SH2D3C: variants seen among roughly 807,000 people sequenced by gnomAD.
The protein encoded by SH2D3C is SH2 domain containing 3C, also known as SH2 domain-containing protein 3C.
SH2D3C carries 25 observed loss-of-function variants against 75.2 expected under a neutral mutation model. The ratio of observed to expected loss-of-function variants is 0.33; its 90% CI spans 0.24 to 0.46. SH2D3C has a LOEUF of 0.46. Ranked by LOEUF, SH2D3C falls within the 20% of genes least tolerant of loss-of-function variation. The pLI is 1.00. For synonymous variants in SH2D3C, 450 were observed against 473.7 expected (o/e 0.95, Z 0.65); for missense variants, 933 against 1,165.3 (o/e 0.80, Z 2.90).
chr9:127,761,665 G>C lies in SH2D3C; in HGVS notation c.516-15C>G, dbSNP rs758971606. ...CTCCAGCAGCCCTGGAAGGAGAAAA[G>C]ACAAGTGAGCATCCCCAGCCCTGCT... On this transcript the variant is annotated splice_polypyrimidine_tract_variant and intron_variant, in intron 2 of 11. Transcript: ENST00000314830. The C allele has an allele frequency of 6.2e-6, 10 of 1,609,492 alleles. No individual in the cohort carries two copies. In the African/African-American group the frequency reaches 1.2e-4, roughly 19 times the overall value.
chr9:127,764,053 A>G (rs1588518853), intron 2 of SH2D3C, among the ~76,000 whole-genome samples: 1 of 152,034 alleles, frequency 6.6e-6, no homozygotes, highest in Non-Finnish European at 1.5e-5. Context: ...AAATCCTCCC[A>G]CTGCTGGGAA....
chr9:127,750,109 C>A (rs566424388), intron 4 of SH2D3C, among the ~76,000 whole-genome samples: 1 of 152,014 alleles, frequency 6.6e-6, no homozygotes, highest in Non-Finnish European at 1.5e-5. Context: ...TCCTGGAACA[C>A]CCTTCCTGCC....
At chr9:127,762,947 T>C (rs528114311) in intron 2 of SH2D3C, among the ~76,000 whole-genome samples, 1 of 152,322 alleles carries the variant, frequency 6.6e-6, no homozygotes, top group South Asian at 2.1e-4. Context: ...GGCTCATCTG[T>C]TCTCCAACCC....
chr9:127,774,000 G>A lies in SH2D3C; in HGVS notation c.505C>T (p.His169Tyr), dbSNP rs763827012. Residue 169 changes from histidine to tyrosine, a missense_variant, in exon 2 of 12, where the codon CAC (histidine) becomes TAC (tyrosine). Coordinates refer to ENST00000314830, the MANE Select transcript of SH2D3C (RefSeq NM_170600.3). ...VEEERPPRDV[H>Y]SERAAGEPEA... ...CCCCTGGGCACCTACCTTTCTGAGT[G>A]CACGTCCCTGGGAGGTCTCTCCTCT... 1.6e-5 allele frequency: 26 copies of A among 1,608,042 alleles called. No individual in the cohort carries two copies. The highest frequency in any genetic ancestry group is 2.2e-5 in the South Asian group (2 of 90,956).
intron 9 of SH2D3C, among the ~76,000 whole-genome samples, chr9:127,741,301 C>T (rs138649376): frequency 0.015 from 2,190 of 147,360 alleles, 53 homozygotes; most frequent in African/African-American, 0.05. Flanking sequence ...AGTGCAGTGG[C>T]GCAATCTTGG....
rs1245642680 is a variant in SH2D3C, at chr9:127,738,993, C to G, written c.2408-72G>C. 1 of 1,385,640 alleles carries G rather than the reference C, an allele frequency of 7.2e-7. No homozygotes were observed. The highest frequency in any genetic ancestry group is 9.5e-7 in the Non-Finnish European group (1 of 1,054,416). The allele number at this position is 1,385,640 out of a possible 1,614,324, so 85.8% of individuals were successfully genotyped here. ...CCAGAGCCCTAGCATTCTTCAGGAC[C>G]CCCCTGTTAGGGACCTCCCCTCAAC... On this transcript the variant is annotated intron_variant, in intron 11 of 11. Coordinates refer to ENST00000314830, the MANE Select transcript of SH2D3C (RefSeq NM_170600.3). The surrounding 1 kb of genome is among the most constrained non-coding windows in gnomAD (Gnocchi z 5.0).
At chr9:127,742,048 G>A (rs115073289) in intron 8 of SH2D3C, 89 bp from the exon 9 acceptor site, 22,939 of 1,313,912 alleles carry the variant, frequency 0.017, 273 homozygotes, top group Non-Finnish European at 0.018. Context: ...TGGGCCGGGA[G>A]AGGCGGAGGG....
At chr9:127,763,703 G>A (rs1845580329) in intron 2 of SH2D3C, among the ~76,000 whole-genome samples, 1 of 152,128 alleles carries the variant, frequency 6.6e-6, no homozygotes. Flanking sequence ...CTCAAATACA[G>A]GAGCCTAGTA....
At chr9:127,767,176 G>A (rs1005074063) in intron 2 of SH2D3C, 48 of 1,534,370 alleles carry the variant, frequency 3.1e-5, no homozygotes, top group Admixed American at 2.7e-4. Context: ...CAGGACGGGC[G>A]ACAGCCTTGT....
intron 3 of SH2D3C, among the ~76,000 whole-genome samples, chr9:127,753,628 C>T (rs1845266852): frequency 6.6e-6 from 1 of 152,190 alleles, no homozygotes; most frequent in Non-Finnish European, 1.5e-5. Context: ...CAAGGGGTCC[C>T]CTACTTCTGG....
intron 2 of SH2D3C, chr9:127,762,233 G>A: frequency 8.3e-7 from 1 of 1,205,070 alleles, no homozygotes; most frequent in South Asian, 1.5e-5. Context: ...CCAGGGTGGA[G>A]AGCCTGGAGA....
chr9:127,754,472 CG>C lies in SH2D3C; in HGVS notation c.556-3173del, dbSNP rs976200618. Among the ~76,000 whole-genome samples, 21 of 152,140 alleles carry C rather than the reference CG, an allele frequency of 1.4e-4. No homozygotes were observed. Among genetic ancestry groups the C allele is most frequent in the African/African-American group, 4.6e-4 (19 of 41,440 alleles). On this transcript the variant is annotated intron_variant, in intron 3 of 11. Coordinates refer to ENST00000314830, the MANE Select transcript of SH2D3C (RefSeq NM_170600.3). The surrounding 1 kb of genome is among the most constrained non-coding windows in gnomAD (Gnocchi z 4.4). The stretch of plus-strand genomic sequence containing the variant: ...GGATGCTCCGCAGAGAGGCGGGGTC[CG>C]GGTCCTCCCCTCCACCCCCTTCCGT...
intron 2 of SH2D3C, among the ~76,000 whole-genome samples, chr9:127,764,398 C>T (rs1845593663): frequency 1.3e-5 from 2 of 152,314 alleles, no homozygotes; most frequent in Non-Finnish European, 2.9e-5. Flanking sequence ...TCCCTGCCTC[C>T]ATCTGTGTCC....
Position 127,741,976 on chromosome 9 carries a change from G to A in SH2D3C, c.1917-17C>T. ...GTGTGGAACCTGTCAGAGCGGCGGG[G>A]TCAGAGGCGGCGGGCTCGGGGACAG... is the stretch of plus-strand genomic sequence containing the variant. On this transcript the variant is annotated splice_polypyrimidine_tract_variant and intron_variant, in intron 8 of 11. Transcript: ENST00000314830. 5 of 1,594,992 alleles carry A rather than the reference G, an allele frequency of 3.1e-6. No individual in the cohort carries two copies. The highest frequency in any genetic ancestry group is 4.3e-6 in the Non-Finnish European group (5 of 1,170,262).
At position 127,739,954 on chromosome 9, in the gene SH2D3C, G is replaced by A; in HGVS notation, c.2201-66C>T. 13 of 1,405,030 alleles carry A rather than the reference G, an allele frequency of 9.3e-6. No individual in the cohort carries two copies. The highest frequency in any genetic ancestry group is 2.5e-5 in the Admixed American group (1 of 40,302). The allele number at this position is 1,405,030 out of a possible 1,614,324, so 87.0% of individuals were successfully genotyped here. Reference sequence around the variant, plus strand: ...TGCCCCACCATCCACTGCAGTCCTGGAAGCTGAGGTGCAGGAGGGAACGGG... The same window carrying A: ...TGCCCCACCATCCACTGCAGTCCTGAAAGCTGAGGTGCAGGAGGGAACGGG... On this transcript the variant is annotated intron_variant, in intron 10 of 11. Transcript: ENST00000314830. The surrounding 1 kb of genome is among the most constrained non-coding windows in gnomAD (Gnocchi z 4.3).
At chr9:127,744,267 C>T (rs1262274334) in intron 7 of SH2D3C, among the ~76,000 whole-genome samples, 17 of 151,998 alleles carry the variant, frequency 1.1e-4, no homozygotes, top group African/African-American at 3.6e-4. Flanking sequence ...GACGGGGTTT[C>T]GCCATGTTGC....
intron 3 of SH2D3C, among the ~76,000 whole-genome samples, chr9:127,760,593 A>G (rs1328024833): frequency 6.6e-6 from 1 of 152,052 alleles, no homozygotes; most frequent in Non-Finnish European, 1.5e-5. Flanking sequence ...CAGAACTTAA[A>G]GTATATAAAA....
intron 3 of SH2D3C, among the ~76,000 whole-genome samples, chr9:127,755,677 A>G (rs1490686699): frequency 6.6e-6 from 1 of 152,190 alleles, no homozygotes; most frequent in Non-Finnish European, 1.5e-5. Flanking sequence ...AGGATTTCTC[A>G]TCCCTGGTTT....
intron 9 of SH2D3C, 112 bp from the exon 10 acceptor site, chr9:127,740,481 T>G: frequency 2.7e-5 from 18 of 671,498 alleles, no homozygotes; most frequent in East Asian, 5.4e-5. Context: ...ATTATGGCCA[T>G]CCTTCATGTA....
Sources: gnomAD v4.1 joint callset for allele counts (sites outside exome capture counted in the v4.1 genomes callset) on GRCh38, gnomAD v4.1.1 for gene constraint, Gnocchi (gnomAD v3.1) non-coding constraint, MANE v1.5 for transcripts, NCBI Gene and HGNC (gene_info 2026-07-23, HGNC 2026-07-21) for gene names.